Variants in CHN2 observed in about 807,000 individuals in gnomAD.
CHN2 encodes chimerin 2, also known as beta-chimaerin.
CHN2 carries 35 observed loss-of-function variants against 56.3 expected under a neutral mutation model. The observed-to-expected ratio is 0.62, with a 90% CI of 0.47 to 0.82. The LOEUF is 0.82. Ranked by LOEUF, CHN2 falls within the 40% of genes least tolerant of loss-of-function variation. CHN2 has a pLI of 0.00. For synonymous variants in CHN2, 210 were observed against 212.8 expected (o/e 0.99, Z 0.12); for missense variants, 491 against 580.5 (o/e 0.85, Z 1.58).
intron 8 of CHN2, among the ~76,000 whole-genome samples, chr7:29,497,213 C>G (rs190945270): frequency 6.6e-6 from 1 of 152,330 alleles, no homozygotes; most frequent in East Asian, 1.9e-4. Context: ...CTGTTTAACA[C>G]TAAAGACTGA....
At chr7:29,497,429 AACAGCAACTTTTCAAGTTTC>A (rs1330296796) in intron 8 of CHN2, among the ~76,000 whole-genome samples, 1 of 152,158 alleles carries the variant, frequency 6.6e-6, no homozygotes, top group African/African-American at 2.4e-5. Context: ...ATTAGCTGTG[AACAGCAACTTTTCAAGTTTC>A]TCTGGGATAA....
At chr7:29,391,124 G>C (rs1585239528) in intron 3 of CHN2, among the ~76,000 whole-genome samples, 1 of 151,944 alleles carries the variant, frequency 6.6e-6, no homozygotes, top group African/African-American at 2.4e-5. Context: ...GAGCTTCAGA[G>C]ACAAAAAAGG....
At chr7:29,281,611 A>C (rs6952970) in intron 1 of CHN2, among the ~76,000 whole-genome samples, 3,793 of 152,284 alleles carry the variant, frequency 0.025, 161 homozygotes, top group African/African-American at 0.086. Flanking sequence ...TGAGGATCAC[A>C]TGAAATAATA....
intron 7 of CHN2, among the ~76,000 whole-genome samples, chr7:29,487,554 C>G (rs1585584538): frequency 6.6e-6 from 1 of 152,108 alleles, no homozygotes; most frequent in East Asian, 1.9e-4. Flanking sequence ...AGGATGGTCT[C>G]ATAAAGCCTC....
intron 6 of CHN2, among the ~76,000 whole-genome samples, chr7:29,470,197 C>T (rs759268531): frequency 1.6e-4 from 25 of 152,190 alleles, no homozygotes; most frequent in African/African-American, 4.3e-4. Flanking sequence ...CACAGTCCTA[C>T]GCTTGGTAGA....
chr7:29,343,610 C>T, intron 1 of CHN2, among the ~76,000 whole-genome samples: 1 of 152,146 alleles, frequency 6.6e-6, no homozygotes, highest in East Asian at 1.9e-4. Context: ...CTGTTAACCA[C>T]TTCCCCCTTT....
chr7:29,399,297 G>A (rs563879866), intron 5 of CHN2, among the ~76,000 whole-genome samples: 1 of 152,268 alleles, frequency 6.6e-6, no homozygotes, highest in East Asian at 1.9e-4. Flanking sequence ...CCTTCACCTG[G>A]CCTTGCACGT....
At chr7:29,501,842 C>T (rs990366952) in intron 9 of CHN2, among the ~76,000 whole-genome samples, 3 of 152,154 alleles carry the variant, frequency 2.0e-5, no homozygotes, top group Admixed American at 6.5e-5. Context: ...TTTGTCTCTG[C>T]GTGATGTGGC....
At chr7:29,324,570 C>T (rs1795654718) in intron 1 of CHN2, among the ~76,000 whole-genome samples, 1 of 151,118 alleles carries the variant, frequency 6.6e-6, no homozygotes, top group Non-Finnish European at 1.5e-5. Flanking sequence ...CCATATGTAC[C>T]CCTGCTAGAT....
chr7:29,361,232 T>C (rs1040623893), intron 2 of CHN2, among the ~76,000 whole-genome samples: 5 of 152,242 alleles, frequency 3.3e-5, no homozygotes, highest in Non-Finnish European at 7.3e-5. Context: ...GCGATAAATT[T>C]CTGTTATATT....
intron 2 of CHN2, among the ~76,000 whole-genome samples, chr7:29,185,317 C>T (rs1374646789): frequency 1.3e-5 from 2 of 152,172 alleles, no homozygotes; most frequent in Non-Finnish European, 2.9e-5. Context: ...TTTTAAAGAT[C>T]ATAACATGGA....
intron 1 of CHN2, 105 bp from the exon 2 acceptor site, chr7:29,354,520 C>A: frequency 2.1e-6 from 2 of 967,284 alleles, no homozygotes; most frequent in Non-Finnish European, 3.2e-6. Flanking sequence ...CCCTGAGACC[C>A]GCATGCAAGT....
intron 6 of CHN2, among the ~76,000 whole-genome samples, chr7:29,442,387 C>T (rs939541376): frequency 5.3e-5 from 8 of 152,140 alleles, no homozygotes; most frequent in Non-Finnish European, 1.5e-5. Flanking sequence ...TTAGGCTGCT[C>T]TGTGCAGGGT....
At chr7:29,482,785 C>G (rs71541509) in intron 7 of CHN2, among the ~76,000 whole-genome samples, 1 of 121,270 alleles carries the variant, frequency 8.2e-6, no homozygotes, top group Non-Finnish European at 1.7e-5. Flanking sequence ...TAGGTGCTGT[C>G]TGCACTTTTT....
chr7:29,265,131 C>T (rs967075118), intron 1 of CHN2, among the ~76,000 whole-genome samples: 13 of 152,174 alleles, frequency 8.5e-5, no homozygotes, highest in Non-Finnish European at 1.8e-4. Flanking sequence ...GGCTGCCCTT[C>T]TGTGGTGTCT....
chr7:29,286,505 G>A (rs1022463968), intron 1 of CHN2, among the ~76,000 whole-genome samples: 1 of 152,140 alleles, frequency 6.6e-6, no homozygotes, highest in African/African-American at 2.4e-5. Flanking sequence ...TTTCCGTGGG[G>A]CAGGGGCGAA....
chr7:29,360,843 C>T (rs1199447060), intron 2 of CHN2, among the ~76,000 whole-genome samples: 3 of 152,222 alleles, frequency 2.0e-5, no homozygotes, highest in African/African-American at 7.2e-5. Flanking sequence ...GGCTTTCACC[C>T]ATTAGCCGTC....
chr7:29,325,286 A>G (rs1409701526), intron 1 of CHN2, among the ~76,000 whole-genome samples: 2 of 152,204 alleles, frequency 1.3e-5, no homozygotes, highest in Non-Finnish European at 2.9e-5. Flanking sequence ...AGCCCATGAC[A>G]CAGTTTGCCC....
intron 1 of CHN2, among the ~76,000 whole-genome samples, chr7:29,288,332 T>G (rs1216364526): frequency 2.0e-5 from 3 of 152,182 alleles, no homozygotes; most frequent in Non-Finnish European, 4.4e-5. Context: ...GTGTAAGAGC[T>G]TTCTTAAGCA....
Sources: allele counts gnomAD v4.1 joint callset (sites outside exome capture counted in the v4.1 genomes callset), GRCh38; gene constraint gnomAD v4.1.1; transcripts MANE v1.5; gene names NCBI Gene and HGNC (gene_info 2026-07-23, HGNC 2026-07-21).